Variants in TRAF3IP3 observed in about 807,000 individuals in gnomAD.
The protein encoded by TRAF3IP3 is TRAF3-interacting JNK-activating modulator.
TRAF3IP3 carries 64 observed loss-of-function variants against 86.5 expected under a neutral mutation model. That is an observed-to-expected ratio of 0.74 (90% CI 0.60 to 0.91). The LOEUF is 0.91. Among genes scored for constraint, TRAF3IP3 ranks in the 40% least tolerant of loss-of-function variants. The pLI, the probability that TRAF3IP3 is intolerant of heterozygous loss-of-function variation, is 0.00. For missense variants in TRAF3IP3, 579 were observed against 642.9 expected (o/e 0.90, Z 1.07); for synonymous variants, 220 against 243.9 (o/e 0.90, Z 0.91).
intron 8 of TRAF3IP3, among the ~76,000 whole-genome samples, chr1:209,764,425 T>C (rs2077301792): frequency 6.6e-6 from 1 of 152,142 alleles, no homozygotes; most frequent in South Asian, 2.1e-4. Flanking sequence ...AGGAATAGTA[T>C]TTTAGTTGGG....
intron 13 of TRAF3IP3, chr1:209,778,461 T>G (rs1328168521): frequency 2.5e-6 from 1 of 393,754 alleles, no homozygotes; most frequent in Non-Finnish European, 4.5e-6. Context: ...CTAAAGCAGT[T>G]CTTATTTTAT....
chr1:209,767,550 C>A (rs1418290099), intron 8 of TRAF3IP3, among the ~76,000 whole-genome samples: 1 of 151,970 alleles, frequency 6.6e-6, no homozygotes, highest in East Asian at 1.9e-4. Flanking sequence ...ATTAGCCATG[C>A]ATGGTGGTAC....
chr1:209,764,482 C>A (rs1484682333), intron 8 of TRAF3IP3, among the ~76,000 whole-genome samples: 1 of 152,270 alleles, frequency 6.6e-6, no homozygotes, highest in East Asian at 1.9e-4. Context: ...TGGCTCACAC[C>A]TGTAATCCCA....
chr1:209,768,392 A>G (rs1251015679), intron 8 of TRAF3IP3: 2 of 985,394 alleles, frequency 2.0e-6, no homozygotes, highest in African/African-American at 3.5e-5. Flanking sequence ...AAACAGCTCT[A>G]CTAGCAGAGA....
chr1:209,759,482 G>T (rs1016843903), intron 2 of TRAF3IP3, among the ~76,000 whole-genome samples: 4 of 152,216 alleles, frequency 2.6e-5, no homozygotes, highest in African/African-American at 9.7e-5. Flanking sequence ...TCCTTGAGAA[G>T]TGTCACTCAA....
At chr1:209,778,958 C>CT (rs1401686019) in intron 13 of TRAF3IP3, 5 of 279,216 alleles carry the variant, frequency 1.8e-5, no homozygotes, top group Non-Finnish European at 3.4e-5. Flanking sequence ...TCCCAGGGCT[C>CT]TTTCCTTGGC....
chr1:209,766,523 G>T (rs1448497202), intron 8 of TRAF3IP3, among the ~76,000 whole-genome samples: 1 of 152,208 alleles, frequency 6.6e-6, no homozygotes, highest in African/African-American at 2.4e-5. Context: ...AAAAGAGAAA[G>T]AAGGCAGCAA....
chr1:209,759,902 G>GC, intron 2 of TRAF3IP3, 80 bp from the exon 3 acceptor site: 1 of 676,358 alleles, frequency 1.5e-6, no homozygotes, highest in Non-Finnish European at 2.6e-6. Context: ...TGCTATTTCT[G>GC]CCCCCTGGTC....
At chr1:209,770,422 T>C (rs941783694) in intron 8 of TRAF3IP3, among the ~76,000 whole-genome samples, 1 of 121,712 alleles carries the variant, frequency 8.2e-6, no homozygotes, top group African/African-American at 3.2e-5. Context: ...TGTGTGTGCA[T>C]GTGGAGGTGT....
At chr1:209,760,479 A>G in intron 3 of TRAF3IP3, 95 bp downstream of exon 3, 1 of 1,069,438 alleles carries the variant, frequency 9.4e-7, no homozygotes, top group East Asian at 2.6e-5. Context: ...AGTGACCTAA[A>G]TCAAGTCCTT....
At chr1:209,775,548 G>A (rs2102503200) in intron 10 of TRAF3IP3, 51 bp from the exon 11 acceptor site, 3 of 1,614,186 alleles carry the variant, frequency 1.9e-6, no homozygotes, top group East Asian at 2.2e-5. Flanking sequence ...GGGAACAAGG[G>A]GAGCCAGCTG....
At chr1:209,778,066 A>G in intron 12 of TRAF3IP3, 45 bp from the exon 13 acceptor site, 1 of 1,544,732 alleles carries the variant, frequency 6.5e-7, no homozygotes, top group African/African-American at 1.4e-5. Context: ...TGAGTTCATT[A>G]AGTCTTGGGT....
In TRAF3IP3 at chr1:209,767,232, T is replaced by G. The variant is rs1167056798; in HGVS notation, c.702+3645T>G. Among the ~76,000 whole-genome samples, 4 of 152,280 alleles carry G rather than the reference T, an allele frequency of 2.6e-5. No individual in the cohort carries two copies. In the East Asian group the frequency reaches 5.8e-4, roughly 22 times the overall value. On this transcript the variant is annotated intron_variant, in intron 8 of 16. Transcript: ENST00000367025. The stretch of plus-strand genomic sequence containing the variant: ...ATCAGAGATCCTTTAGAATGCATGC[T>G]ACCCAGCTTGAGAAACACTGCTATA...
chr1:209,765,474 T>G lies in TRAF3IP3; in HGVS notation c.702+1887T>G, dbSNP rs537131999. Among the ~76,000 whole-genome samples, 320 of 152,124 alleles carry G rather than the reference T, an allele frequency of 2.1e-3. 1 individual carries two copies. Among genetic ancestry groups the G allele is most frequent in the African/African-American group, 7.3e-3 (301 of 41,498 alleles). On this transcript the variant is annotated intron_variant, in intron 8 of 16. Transcript: ENST00000367025. ...TGAGCTCAGGAGTTCAAGACCAGCC[T>G]GGGCAACATGGCAAAACCTCGTCTC...
intron 3 of TRAF3IP3, among the ~76,000 whole-genome samples, 197 bp downstream of exon 3, chr1:209,760,581 G>A (rs755646595): frequency 3.3e-5 from 5 of 152,278 alleles, no homozygotes; most frequent in South Asian, 2.1e-4. Context: ...TTGTGTTTTC[G>A]TTTGTTTAGC....
At position 209,772,939 on chromosome 1, in the gene TRAF3IP3, T is replaced by G; in HGVS notation, c.703-9T>G. 1 of 1,613,504 alleles carries G rather than the reference T, an allele frequency of 6.2e-7. No individual in the cohort carries two copies. The highest frequency in any genetic ancestry group is 1.3e-5 in the African/African-American group (1 of 75,014). On this transcript the variant is annotated splice_polypyrimidine_tract_variant and intron_variant, in intron 8 of 16. Coordinates refer to ENST00000367025, the MANE Select transcript of TRAF3IP3 (RefSeq NM_025228.4). The stretch of plus-strand genomic sequence containing the variant: ...CCCCAAGCTCATTAACTCATCCCAT[T>G]TGCTCCAGGGACAGCTTAATGAAGA...
chr1:209,772,074 G>GGT (rs200058437), intron 8 of TRAF3IP3, among the ~76,000 whole-genome samples: 1 of 151,076 alleles, frequency 6.6e-6, no homozygotes, highest in Non-Finnish European at 1.5e-5. Context: ...TGTATATGGA[G>GGT]GTGTGTGTGT....
At chr1:209,769,542 A>G (rs1348915649) in intron 8 of TRAF3IP3, among the ~76,000 whole-genome samples, 1 of 152,254 alleles carries the variant, frequency 6.6e-6, no homozygotes, top group African/African-American at 2.4e-5. Flanking sequence ...CCAGCTGAGT[A>G]ACACAGGAAG....
At chr1:209,770,899 A>G (rs1279277761) in intron 8 of TRAF3IP3, among the ~76,000 whole-genome samples, 480 of 57,082 alleles carry the variant, frequency 8.4e-3, no homozygotes, top group Middle Eastern at 0.028. Flanking sequence ...TGTGCAGGTG[A>G]AGGTGTGCGT....
Sources: gnomAD v4.1 joint callset for allele counts (sites outside exome capture counted in the v4.1 genomes callset) on GRCh38, gnomAD v4.1.1 for gene constraint, MANE v1.5 for transcripts, NCBI Gene and HGNC (gene_info 2026-07-23, HGNC 2026-07-21) for gene names.